The following BLTP1 variants were observed in gnomAD, a reference collection of about 807,000 sequenced individuals.
BLTP1 encodes the protein fragile site-associated protein.
At chr4:122,214,065 C>A in the BLTP1 span, 1 of 285,570 alleles carries the variant, frequency 3.5e-6, no homozygotes, top group Non-Finnish European at 5.3e-6. Context: ...ATTAATTTTT[C>A]TTTTTTCAAA....
the BLTP1 span, chr4:122,214,349 A>G: frequency 2.1e-6 from 2 of 930,478 alleles, no homozygotes; most frequent in South Asian, 9.9e-5. Context: ...AAATTCAAGC[A>G]TAATGTAAAT....
chr4:122,186,127 G>A, the BLTP1 span: 2 of 1,612,518 alleles, frequency 1.2e-6, no homozygotes, highest in Non-Finnish European at 1.7e-6. Context: ...GCCTTCAAGA[G>A]TTGTTTGGTT....
chr4:122,286,418 T>C, the BLTP1 span: 35 of 1,477,214 alleles, frequency 2.4e-5, no homozygotes, highest in East Asian at 2.8e-4. Context: ...TATCCTTTCA[T>C]ATATTTCAAG....
the BLTP1 span, chr4:122,344,359 G>A: frequency 6.2e-7 from 1 of 1,609,898 alleles, no homozygotes. Context: ...TGTGGGGGTT[G>A]TGTTTGTTTG....
At chr4:122,346,988 T>C in the BLTP1 span, 13 of 765,948 alleles carry the variant, frequency 1.7e-5, no homozygotes, top group Non-Finnish European at 2.1e-5. Flanking sequence ...GATTACATTC[T>C]GGCTGAATAA....
chr4:122,205,475 TATA>T, the BLTP1 span, among the ~76,000 whole-genome samples: 1 of 151,280 alleles, frequency 6.6e-6, no homozygotes, highest in African/African-American at 2.4e-5. Flanking sequence ...CAGTCTGTGC[TATA>T]ATAATACTGT....
the BLTP1 span, among the ~76,000 whole-genome samples, chr4:122,159,120 T>A: frequency 5.9e-5 from 9 of 152,176 alleles, no homozygotes; most frequent in Non-Finnish European, 5.9e-5. Context: ...TGATTGTTAT[T>A]TGTGGCAACT....
the BLTP1 span, chr4:122,359,321 C>T: frequency 3.1e-6 from 3 of 977,104 alleles, no homozygotes; most frequent in Non-Finnish European, 3.6e-6. Context: ...GTGCCATAGG[C>T]TTGCTATCAA....
chr4:122,214,774 G>C, the BLTP1 span, among the ~76,000 whole-genome samples: 1 of 151,664 alleles, frequency 6.6e-6, no homozygotes, highest in African/African-American at 2.4e-5. Context: ...ACCATGCCTG[G>C]ATAATTTTTG....
At chr4:122,357,481 G>A in the BLTP1 span, among the ~76,000 whole-genome samples, 243 of 151,444 alleles carry the variant, frequency 1.6e-3, 1 homozygote, top group Non-Finnish European at 2.5e-3. Flanking sequence ...TGGGAGGATC[G>A]CTTGAGCCTG....
chr4:122,242,903 C>G, the BLTP1 span: 11 of 771,200 alleles, frequency 1.4e-5, no homozygotes, highest in South Asian at 1.9e-4. Context: ...ATATCAAAAT[C>G]ATATTAGGTA....
At chr4:122,361,508 T>A in the BLTP1 span, among the ~76,000 whole-genome samples, 1 of 152,144 alleles carries the variant, frequency 6.6e-6, no homozygotes, top group African/African-American at 2.4e-5. Flanking sequence ...TACTGAACTG[T>A]TACTTCCTCT....
At chr4:122,155,062 C>A in the BLTP1 span, 3 of 388,506 alleles carry the variant, frequency 7.7e-6, no homozygotes, top group Non-Finnish European at 1.1e-5. Flanking sequence ...ATGTGTCAGA[C>A]ATCCAGGCTT....
At chr4:122,194,872 C>G in the BLTP1 span, 5 of 162,174 alleles carry the variant, frequency 3.1e-5, no homozygotes, top group African/African-American at 1.2e-4. Context: ...CAATGCATTT[C>G]TAACCCGGAC....
chr4:122,255,710 G>A, the BLTP1 span, among the ~76,000 whole-genome samples: 10 of 151,912 alleles, frequency 6.6e-5, no homozygotes, highest in African/African-American at 2.4e-4. Flanking sequence ...CTAATGATTT[G>A]GGAGTTGCCA....
chr4:122,254,694 G>A, the BLTP1 span: 1 of 1,237,268 alleles, frequency 8.1e-7, no homozygotes, highest in Non-Finnish European at 1.0e-6. Flanking sequence ...AAAAAGAAAA[G>A]AAATTAATTT....
chr4:122,219,119 C>CCACTTGAAACCTGCTTGAAA, the BLTP1 span: 1 of 983,322 alleles, frequency 1.0e-6, no homozygotes, highest in African/African-American at 1.7e-5. Context: ...ATAAAATAGG[C>CCACTTGAAACCTGCTTGAAA]TCTGTAACTT....
At chr4:122,180,007 C>A in the BLTP1 span, 7 of 980,364 alleles carry the variant, frequency 7.1e-6, no homozygotes, top group Non-Finnish European at 8.4e-6. Flanking sequence ...GCATCCATCT[C>A]TCATATACAC....
the BLTP1 span, chr4:122,224,777 A>G: frequency 1.6e-5 from 25 of 1,595,050 alleles, no homozygotes; most frequent in Non-Finnish European, 2.1e-5. Flanking sequence ...TGTTCATTGC[A>G]TTTCCACTGA....
Sources: allele counts gnomAD v4.1 joint callset (sites outside exome capture counted in the v4.1 genomes callset), GRCh38; gene constraint gnomAD v4.1.1; transcripts MANE v1.5; gene names NCBI Gene and HGNC (gene_info 2026-07-23, HGNC 2026-07-21).